The following MGRN1 variants were observed in gnomAD, a reference collection of about 807,000 sequenced individuals.
MGRN1 encodes the protein mahogunin ring finger 1.
In MGRN1, 29 loss-of-function variants were observed where a neutral mutation model predicts 69.2. The observed-to-expected ratio is 0.42, with a 90% CI of 0.31 to 0.57. The LOEUF (loss-of-function observed/expected upper bound fraction) is 0.57, where lower values mean the gene tolerates loss of function less well. Among genes scored for constraint, MGRN1 ranks in the 20% least tolerant of loss-of-function variants. The pLI is 0.15. For missense variants in MGRN1, 998 were observed against 796.2 expected, an observed-to-expected ratio of 1.25 and a Z score of -3.05; for synonymous variants, 470 against 344.2, an observed-to-expected ratio of 1.37 and a Z score of -4.04.
intron 1 of MGRN1, among the ~76,000 whole-genome samples, chr16:4,630,211 G>T (rs1438922017): frequency 6.6e-6 from 1 of 151,574 alleles, no homozygotes; most frequent in Non-Finnish European, 1.5e-5. Flanking sequence ...AATTAGTTGG[G>T]TGTGGCAGCA....
At chr16:4,628,432 A>C (rs118163029) in intron 1 of MGRN1, among the ~76,000 whole-genome samples, 1,576 of 152,154 alleles carry the variant, frequency 0.01, 11 homozygotes, top group Non-Finnish European at 0.013. Flanking sequence ...ACAACAACAA[A>C]AAAAAGAATT....
Position 4,646,583 on chromosome 16 carries a change from C to A in MGRN1, c.89-3782C>A, listed in dbSNP as rs553741569. Among the ~76,000 whole-genome samples the A allele has an allele frequency of 7.3e-4, 111 of 152,250 alleles. 3 individuals carry two copies. The highest frequency in any genetic ancestry group is 5.9e-4 in the Admixed American group (9 of 15,292). ...CCTCTCCATGGGGCTGCTTGGGTGT[C>A]CTCACAGCATGGTGGCAGCTTCCCC... On this transcript the variant is annotated intron_variant, in intron 1 of 16. Coordinates refer to ENST00000262370, the MANE Select transcript of MGRN1 (RefSeq NM_015246.4).
intron 1 of MGRN1, among the ~76,000 whole-genome samples, chr16:4,636,166 A>G (rs530110408): frequency 6.6e-6 from 1 of 152,218 alleles, no homozygotes; most frequent in South Asian, 2.1e-4. Flanking sequence ...TGATCACAAA[A>G]TGAACATGTT....
intron 1 of MGRN1, among the ~76,000 whole-genome samples, chr16:4,641,773 C>T (rs1449054294): frequency 3.9e-5 from 6 of 152,096 alleles, no homozygotes; most frequent in African/African-American, 1.2e-4. Context: ...CCTGCCTCGG[C>T]CTCCCAAAGT....
At chr16:4,675,992 C>A (rs1032639014) in intron 10 of MGRN1, among the ~76,000 whole-genome samples, 1 of 152,224 alleles carries the variant, frequency 6.6e-6, no homozygotes, top group African/African-American at 2.4e-5. Context: ...TGGGTCCTGG[C>A]GGTGGGGCCG....
intron 5 of MGRN1, among the ~76,000 whole-genome samples, chr16:4,662,141 C>T (rs2078696398): frequency 6.6e-6 from 1 of 152,206 alleles, no homozygotes; most frequent in African/African-American, 2.4e-5. Flanking sequence ...TAACTCCTTT[C>T]TTCTCGTCTG....
At chr16:4,655,277 C>A (rs1420216347) in intron 4 of MGRN1, among the ~76,000 whole-genome samples, 1 of 152,174 alleles carries the variant, frequency 6.6e-6, no homozygotes, top group Non-Finnish European at 1.5e-5. Flanking sequence ...GTGACCATCT[C>A]AAGTGCACTT....
chr16:4,663,241 T>G (rs2141918200), intron 5 of MGRN1, among the ~76,000 whole-genome samples: 1 of 152,184 alleles, frequency 6.6e-6, no homozygotes, highest in Admixed American at 6.5e-5. Context: ...TTTTTGTATT[T>G]TTAGTAGAGA....
chr16:4,652,870 A>G (rs1159361689), intron 4 of MGRN1, 46 bp downstream of exon 4: 1 of 1,541,972 alleles, frequency 6.5e-7, no homozygotes, highest in African/African-American at 1.4e-5. Context: ...GGGGCCCCAG[A>G]CTCCTGGGGG....
chr16:4,665,042 T>C, intron 6 of MGRN1, 60 bp from the exon 7 acceptor site: 1 of 1,569,366 alleles, frequency 6.4e-7, no homozygotes, highest in Non-Finnish European at 8.8e-7. Context: ...GTCGGGGAGG[T>C]GAGATGCCTG....
intron 4 of MGRN1, among the ~76,000 whole-genome samples, chr16:4,655,541 ATCACAGAGCAGGAACAGC>A (rs2078517358): frequency 6.6e-6 from 1 of 151,314 alleles, no homozygotes; most frequent in East Asian, 1.9e-4. Context: ...CCCAGCGGGG[ATCACAGAGCAGGAACAGC>A]TCCAGTGCCA....
At chr16:4,671,364 C>T (rs967024043) in intron 8 of MGRN1, 27 bp from the exon 9 acceptor site, 10 of 1,611,146 alleles carry the variant, frequency 6.2e-6, no homozygotes, top group Non-Finnish European at 8.5e-6. Context: ...TTGGCGAGGG[C>T]CCAGTGAGCC....
chr16:4,627,139 G>A (rs1223151901), intron 1 of MGRN1, among the ~76,000 whole-genome samples: 1 of 152,210 alleles, frequency 6.6e-6, no homozygotes, highest in Admixed American at 6.5e-5. Context: ...GTTTCCCCAA[G>A]GGCAGACCGG....
At chr16:4,664,493 TAA>T (rs776675478) in intron 5 of MGRN1, 76 of 595,346 alleles carry the variant, frequency 1.3e-4, no homozygotes, top group Non-Finnish European at 2.0e-4. Flanking sequence ...GAAACGTAGT[TAA>T]AATGGCAGAT....
chr16:4,687,145 C>A lies in MGRN1; in HGVS notation c.1619-1651C>A, dbSNP rs567322252. 1.2e-5 allele frequency: 12 copies of A among 985,426 alleles called. No individual in the cohort carries two copies. In the African/African-American group the frequency reaches 1.9e-4, roughly 16 times the overall value. 61.0% of individuals were successfully genotyped at this position (985,426 alleles called of 1,614,324 possible). A position where few individuals can be genotyped will look rare whatever the true frequency, so the allele number is the denominator to read the frequency against. On this transcript the variant is annotated intron_variant, in intron 16 of 16. Transcript: ENST00000262370. ...GCCGACTCACCTGTCCCTCCCAGTA[C>A]TGGAACCTTCTGGAACACCAGCACT...
At chr16:4,627,062 C>T (rs1221877290) in intron 1 of MGRN1, among the ~76,000 whole-genome samples, 2 of 152,240 alleles carry the variant, frequency 1.3e-5, no homozygotes, top group East Asian at 3.9e-4. Context: ...CCTCTCCTGT[C>T]TCCTTAATGA....
chr16:4,652,572 G>C (rs755318305), intron 3 of MGRN1, 106 bp from the exon 4 acceptor site: 294 of 1,394,202 alleles, frequency 2.1e-4, no homozygotes, highest in Non-Finnish European at 2.7e-4. Context: ...GAAGCGGGCT[G>C]TGTCCACATA....
At chr16:4,673,129 C>T (rs1259001853) in intron 9 of MGRN1, among the ~76,000 whole-genome samples, 13 of 152,216 alleles carry the variant, frequency 8.5e-5, no homozygotes, top group African/African-American at 2.4e-4. Flanking sequence ...TGAGCCACCG[C>T]GCCTGACCAT....
chr16:4,688,159 C>T (rs2079376260), intron 16 of MGRN1: 1 of 985,544 alleles, frequency 1.0e-6, no homozygotes, highest in Non-Finnish European at 1.2e-6. Context: ...GGGCTGGTGG[C>T]TGGGTGTCAG....
Sources: gnomAD v4.1 joint callset for allele counts (sites outside exome capture counted in the v4.1 genomes callset) on GRCh38, gnomAD v4.1.1 for gene constraint, MANE v1.5 for transcripts, NCBI Gene and HGNC (gene_info 2026-07-23, HGNC 2026-07-21) for gene names.